Variants in XRCC5 observed in about 807,000 individuals in gnomAD.
XRCC5 encodes X-ray repair cross complementing 5.
In XRCC5, 12 loss-of-function variants were observed where a neutral mutation model predicts 95.7. The observed-to-expected ratio is 0.13, with a 90% CI of 0.08 to 0.20. XRCC5 has a LOEUF of 0.20. XRCC5 is among the 10% of genes least tolerant of loss of function. The pLI is 1.00. For synonymous variants in XRCC5, 281 were observed against 290.3 expected (o/e 0.97, Z 0.33); for missense variants, 595 against 873.9 (o/e 0.68, Z 4.02).
chr2:216,125,931 A>G lies in XRCC5; in HGVS notation c.698A>G (p.Lys233Arg), dbSNP rs774011576. 3.7e-6 allele frequency: 6 copies of G among 1,613,632 alleles called. No homozygotes were observed. Among genetic ancestry groups the G allele is most frequent in the Non-Finnish European group, 5.1e-6 (6 of 1,179,580 alleles). Reference sequence around the variant, plus strand: ...TCTTTATTAAGTGAGAGTCTGAGAAAACTGTGCGTCTTCAAGAAAATTGAG... The same window carrying G: ...TCTTTATTAAGTGAGAGTCTGAGAAGACTGTGCGTCTTCAAGAAAATTGAG... ...EIYSFSESLRKLCVFKKIERH... is the reference protein window; with the variant it reads ...EIYSFSESLRRLCVFKKIERH... Residue 233 changes from lysine (K) to arginine (R), a missense_variant, in exon 7 of 21, where the codon AAA (lysine) becomes AGA (arginine). By Grantham distance (26) the Lys-to-Arg change is conservative. Transcript: ENST00000392132.
Position 216,205,225 on chromosome 2 carries a change from AAG to A in XRCC5, c.*28_*29del. The A allele has an allele frequency of 1.2e-6, 2 of 1,613,942 alleles. No individual in the cohort carries two copies. Among genetic ancestry groups the A allele is most frequent in the Non-Finnish European group, 1.7e-6 (2 of 1,179,834 alleles). ...TAGGTCGTGGATGTATGGGGAATCT[AAG>A]AGAGCTGCCATCGCTGTGATGCTGG... On this transcript the variant is annotated 3_prime_UTR_variant, in exon 21 of 21. Transcript: ENST00000392132.
chr2:216,117,940 A>C, intron 4 of XRCC5, 146 bp downstream of exon 4: 1 of 799,938 alleles, frequency 1.3e-6, no homozygotes, highest in South Asian at 1.7e-5. Context: ...TGAATGGTTC[A>C]GTCCAACCTC....
intron 5 of XRCC5, among the ~76,000 whole-genome samples, chr2:216,120,502 T>C (rs778608592): frequency 2.3e-4 from 35 of 152,194 alleles, no homozygotes; most frequent in Non-Finnish European, 4.4e-4. Flanking sequence ...GTGTATTCCA[T>C]GTACAGCTGA....
chr2:216,196,415 A>T (rs1443851432), intron 19 of XRCC5, among the ~76,000 whole-genome samples: 2 of 152,138 alleles, frequency 1.3e-5, no homozygotes, highest in Admixed American at 6.5e-5. Context: ...TTGTCACTTT[A>T]TACAATGTTT....
chr2:216,123,799 C>G (rs560236710), intron 6 of XRCC5, among the ~76,000 whole-genome samples: 1 of 152,120 alleles, frequency 6.6e-6, no homozygotes, highest in African/African-American at 2.4e-5. Flanking sequence ...GAGCGAGACT[C>G]CGTCTCAAAA....
chr2:216,187,039 T>A (rs895409576), intron 16 of XRCC5, among the ~76,000 whole-genome samples: 3 of 152,224 alleles, frequency 2.0e-5, no homozygotes, highest in Non-Finnish European at 2.9e-5. Flanking sequence ...TGGTGTTAAA[T>A]GGTTCGTTAT....
At chr2:216,131,145 CA>C (rs1428228497) in intron 9 of XRCC5, 158 bp downstream of exon 9, 4 of 980,114 alleles carry the variant, frequency 4.1e-6, no homozygotes, top group African/African-American at 1.8e-5. Context: ...GTATTTTATA[CA>C]TTGGGAAACT....
At chr2:216,115,002 T>TG (rs1559236065) in intron 2 of XRCC5, among the ~76,000 whole-genome samples, 2 of 150,600 alleles carry the variant, frequency 1.3e-5, no homozygotes, top group Non-Finnish European at 1.5e-5. Context: ...CGCCGGTGGT[T>TG]GGGGGGCGGG....
Position 216,141,268 on chromosome 2 carries a change from C to T in XRCC5, c.1425C>T (p.Asp475=), listed in dbSNP as rs778834672. 1 of 1,614,150 alleles carries T rather than the reference C, an allele frequency of 6.2e-7. No individual in the cohort carries two copies. The highest frequency in any genetic ancestry group is 8.5e-7 in the Non-Finnish European group (1 of 1,180,012). ...ATGAGAAGACAGACACCCTTGAAGA[C>T]TTGTTTCCAACCACCAAAATCCCAA... ...KKDEKTDTLE[D]LFPTTKIPNP... Residue 475 remains aspartate, a synonymous_variant, in exon 13 of 21, where the codon GAC becomes GAT. Coordinates refer to ENST00000392132, the MANE Select transcript of XRCC5 (RefSeq NM_021141.4).
intron 2 of XRCC5, among the ~76,000 whole-genome samples, chr2:216,113,726 T>G (rs1394525939): frequency 4.6e-5 from 7 of 152,208 alleles, no homozygotes; most frequent in African/African-American, 1.7e-4. Flanking sequence ...AAGACGATGC[T>G]TTCTAGTGGC....
intron 16 of XRCC5, among the ~76,000 whole-genome samples, chr2:216,177,784 T>C (rs973416579): frequency 2.0e-5 from 3 of 152,238 alleles, no homozygotes; most frequent in African/African-American, 4.8e-5. Flanking sequence ...AATCCTTTTT[T>C]GTCTCATGGA....
chr2:216,154,511 A>G lies in XRCC5; in HGVS notation c.1671-5557A>G, dbSNP rs372984936. Among the ~76,000 whole-genome samples the G allele has an allele frequency of 5.3e-5, 8 of 152,330 alleles. No individual in the cohort carries two copies. The South Asian group carries it at 1.0e-3, about 20-fold the overall frequency. ...TCTCATTTTAGCCTGCCTCACTGAC[A>G]TAAGCTCTTCACTAATTTCCCTAAT... On this transcript the variant is annotated intron_variant, in intron 14 of 20. Coordinates refer to ENST00000392132, the MANE Select transcript of XRCC5 (RefSeq NM_021141.4).
chr2:216,117,908 C>A, intron 4 of XRCC5, 114 bp downstream of exon 4: 2 of 1,101,106 alleles, frequency 1.8e-6, no homozygotes, highest in Non-Finnish European at 2.7e-6. Flanking sequence ...GTTTGTGTGA[C>A]AAGAGAAACA....
At chr2:216,168,470 CAT>C (rs1363153897) in intron 16 of XRCC5, among the ~76,000 whole-genome samples, 1 of 152,182 alleles carries the variant, frequency 6.6e-6, no homozygotes, top group East Asian at 1.9e-4. Flanking sequence ...ATTATGCACA[CAT>C]AATCATTTTA....
At chr2:216,140,496 T>C (rs1466408478) in intron 12 of XRCC5, among the ~76,000 whole-genome samples, 1 of 152,210 alleles carries the variant, frequency 6.6e-6, no homozygotes, top group Non-Finnish European at 1.5e-5. Flanking sequence ...AGTAGATTTT[T>C]ATTGAGGAGC....
intron 11 of XRCC5, 79 bp downstream of exon 11, chr2:216,137,304 A>G (rs1197743881): frequency 6.9e-7 from 1 of 1,458,878 alleles, no homozygotes; most frequent in South Asian, 1.5e-5. Context: ...GTTAATGTTC[A>G]TGACAATTAC....
intron 15 of XRCC5, among the ~76,000 whole-genome samples, chr2:216,160,933 A>G (rs185565652): frequency 3.9e-5 from 6 of 152,154 alleles, no homozygotes; most frequent in South Asian, 2.1e-4. Flanking sequence ...GGCTCAAGCA[A>G]TCCTCCCGCT....
At chr2:216,151,731 T>C (rs551212050) in intron 14 of XRCC5, among the ~76,000 whole-genome samples, 5 of 152,318 alleles carry the variant, frequency 3.3e-5, no homozygotes, top group African/African-American at 1.2e-4. Context: ...ACACAGTGTT[T>C]GGAGTAAATG....
chr2:216,157,978 G>A (rs41301680), intron 14 of XRCC5, among the ~76,000 whole-genome samples: 170 of 152,296 alleles, frequency 1.1e-3, no homozygotes, highest in African/African-American at 4.0e-3. Flanking sequence ...GCTGTTAAAT[G>A]ATTTGGCCTG....
Sources: gnomAD v4.1 joint callset for allele counts (sites outside exome capture counted in the v4.1 genomes callset) on GRCh38, gnomAD v4.1.1 for gene constraint, MANE v1.5 for transcripts, NCBI Gene and HGNC (gene_info 2026-07-23, HGNC 2026-07-21) for gene names.